CDH7: variants seen among roughly 807,000 people sequenced by gnomAD.
The protein encoded by CDH7 is cadherin 7.
Under a neutral mutation model 71.8 loss-of-function variants are expected in CDH7, and 25 were observed. That is an observed-to-expected ratio of 0.35 (90% confidence interval 0.25 to 0.49). The LOEUF is 0.49. Ranked by LOEUF, CDH7 falls within the 20% of genes least tolerant of loss-of-function variation. The pLI is 0.99. For missense variants in CDH7, 862 were observed against 974.6 expected (o/e 0.88, Z 1.54); for synonymous variants, 381 against 363.8 (o/e 1.05, Z -0.54).
chr18:65,782,316 G>A (rs538768497), intron 2 of CDH7, among the ~76,000 whole-genome samples: 198 of 151,528 alleles, frequency 1.3e-3, no homozygotes, highest in African/African-American at 3.8e-3. Context: ...ACAGGCATGC[G>A]CCACCACACC....
chr18:65,859,873 C>T, intron 10 of CDH7, 48 bp downstream of exon 10: 1 of 1,094,332 alleles, frequency 9.1e-7, no homozygotes, highest in Non-Finnish European at 1.4e-6. Context: ...TACAGATACT[C>T]TAAGCAAGTA....
intron 6 of CDH7, among the ~76,000 whole-genome samples, chr18:65,841,495 A>C (rs1415994905): frequency 6.6e-6 from 1 of 152,186 alleles, no homozygotes; most frequent in Admixed American, 6.6e-5. Context: ...ATATAGACAC[A>C]TCATATTTGA....
At chr18:65,874,270 A>G (rs1468246570) in intron 11 of CDH7, among the ~76,000 whole-genome samples, 3 of 152,188 alleles carry the variant, frequency 2.0e-5, no homozygotes, top group African/African-American at 7.2e-5. Context: ...GGTTTTAAAA[A>G]ACTTTCTTTA....
intron 5 of CDH7, among the ~76,000 whole-genome samples, chr18:65,822,725 A>G (rs1431774653): frequency 6.6e-6 from 1 of 152,048 alleles, no homozygotes; most frequent in Admixed American, 6.6e-5. Flanking sequence ...GCCAGTTTAT[A>G]CACACTGAAC....
chr18:65,862,794 C>G lies in CDH7; in HGVS notation c.1741C>G (p.Arg581Gly). The G allele has an allele frequency of 1.2e-6, 2 of 1,614,120 alleles. No individual in the cohort carries two copies. The highest frequency in any genetic ancestry group is 1.7e-6 in the Non-Finnish European group (2 of 1,179,994). The change falls in exon 11 of 12, where the codon CGC (arginine) becomes GGC (glycine). Residue 581 changes from arginine (R) to glycine (G), a missense_variant. Arg to Gly is a moderately radical substitution (Grantham distance 125, BLOSUM62 -2). Transcript: ENST00000397968. ...TAGCAGCACCAACACCCTCACCATC[C>G]GCGTGTGTGACTGTGATGCTGACGG... ...SLSSTNTLTIRVCDCDADGVA... is the reference protein window; with the variant it reads ...SLSSTNTLTIGVCDCDADGVA...
intron 4 of CDH7, among the ~76,000 whole-genome samples, chr18:65,815,595 C>G (rs545202875): frequency 1.3e-5 from 2 of 152,196 alleles, no homozygotes; most frequent in African/African-American, 4.8e-5. Context: ...TGTGCATGAA[C>G]AGAGAAGTAA....
In CDH7 at chr18:65,887,754, T is replaced by C. The variant is rs1335749279; in HGVS notation, c.*6860T>C. On this transcript the variant is annotated 3_prime_UTR_variant, in exon 12 of 12. Transcript: ENST00000397968. ...ATCCAACCTCTACAATTAAATTATA[T>C]GAGCATACTGAGGGAGAATTGCACA... The C allele has an allele frequency of 6.6e-6, 1 of 152,118 alleles. No individual in the cohort carries two copies. Among genetic ancestry groups the C allele is most frequent in the Non-Finnish European group, 1.5e-5 (1 of 68,016 alleles). The allele number at this position is 152,118 out of a possible 1,614,324, so 9.4% of individuals were successfully genotyped here.
intron 2 of CDH7, among the ~76,000 whole-genome samples, chr18:65,778,099 C>A (rs1910019986): frequency 6.6e-6 from 1 of 151,774 alleles, no homozygotes; most frequent in African/African-American, 2.4e-5. Flanking sequence ...TGGTGAAACC[C>A]CCTCTCTACT....
intron 2 of CDH7, among the ~76,000 whole-genome samples, chr18:65,783,814 C>T (rs1910407091): frequency 6.6e-6 from 1 of 151,942 alleles, no homozygotes; most frequent in Non-Finnish European, 1.5e-5. Flanking sequence ...AAGAATATGA[C>T]ACAGTTTACA....
At chr18:65,766,707 GA>G (rs1916379764) in intron 2 of CDH7, among the ~76,000 whole-genome samples, 1 of 151,650 alleles carries the variant, frequency 6.6e-6, no homozygotes, top group Admixed American at 6.6e-5. Flanking sequence ...TGGGGAGAAG[GA>G]AGGGGGGAGG....
rs1166090128 is a variant in CDH7 at position 65,861,804 on chromosome 18, A to C, written c.1613-862A>C. 3.9e-5 allele frequency among the ~76,000 whole-genome samples: 6 copies of C among 152,286 alleles called. 1 individual carries two copies. In the East Asian group the frequency reaches 1.2e-3, roughly 29 times the overall value. ...TTGACAGTTTGGAAGAGAGAAAAAT[A>C]GATAAAAGCACACTGCATGAAACTC... On this transcript the variant is annotated intron_variant, in intron 10 of 11. Coordinates refer to ENST00000397968, the MANE Select transcript of CDH7 (RefSeq NM_004361.5).
At position 65,889,492 on chromosome 18, in the gene CDH7, A is replaced by G. The variant is rs1018243845; in HGVS notation, c.*8598A>G. The G allele has an allele frequency of 6.6e-6, 1 of 152,324 alleles. No homozygotes were observed. 9.4% of individuals were successfully genotyped at this position (152,324 alleles called of 1,614,324 possible). ...TAAACCAAATATGAATTAGTAGTCA[A>G]AAATGACCAAACACAGACGATAACC... On this transcript the variant is annotated 3_prime_UTR_variant, in exon 12 of 12. Coordinates refer to ENST00000397968, the MANE Select transcript of CDH7 (RefSeq NM_004361.5).
At chr18:65,848,415 T>G (rs1485828365) in intron 7 of CDH7, among the ~76,000 whole-genome samples, 3 of 152,064 alleles carry the variant, frequency 2.0e-5, no homozygotes, top group African/African-American at 7.2e-5. Context: ...TTAAACAATA[T>G]GGGGAAAAAT....
intron 2 of CDH7, chr18:65,803,903 A>G (rs796643561): frequency 1.3e-5 from 2 of 150,342 alleles, no homozygotes; most frequent in Admixed American, 6.6e-5. Flanking sequence ...TGCCATCATT[A>G]CTTCATTTGT....
At position 65,779,998 on chromosome 18, in the gene CDH7, A is replaced by G. The variant is rs1201955863; in HGVS notation, c.210+16946A>G. On this transcript the variant is annotated intron_variant, in intron 2 of 11. Transcript: ENST00000397968. ...CTGACTTTTTAATGATTGCCATTCT[A>G]ACTGGTGTGAGATTATATCTCATAG... Among the ~76,000 whole-genome samples, 2 of 108,810 alleles carry G rather than the reference A, an allele frequency of 1.8e-5. 1 individual carries two copies. Among genetic ancestry groups the G allele is most frequent in the Non-Finnish European group, 3.4e-5 (2 of 58,900 alleles). The allele number at this position is 108,810 out of a possible 152,430, so 71.4% of individuals were successfully genotyped here.
intron 2 of CDH7, among the ~76,000 whole-genome samples, chr18:65,797,475 C>A (rs1286205614): frequency 6.6e-6 from 1 of 152,184 alleles, no homozygotes; most frequent in Non-Finnish European, 1.5e-5. Flanking sequence ...CCCAAGAGGG[C>A]TTAGAAGAGA....
rs1259989734 is a variant in CDH7, at chr18:65,888,346, A to G, written c.*7452A>G. On this transcript the variant is annotated 3_prime_UTR_variant, in exon 12 of 12. Coordinates refer to ENST00000397968, the MANE Select transcript of CDH7 (RefSeq NM_004361.5). ...TTTTGCTGTATTTTTAAAAAATAAGAAAAAATTATCACAGAGTAAGATACA... is the reference window on the plus strand; with the variant it reads ...TTTTGCTGTATTTTTAAAAAATAAGGAAAAATTATCACAGAGTAAGATACA... The G allele has an allele frequency of 6.6e-6, 1 of 152,160 alleles. No individual in the cohort carries two copies. Among genetic ancestry groups the G allele is most frequent in the African/African-American group, 2.4e-5 (1 of 41,448 alleles). The allele number at this position is 152,160 out of a possible 1,614,324, so 9.4% of individuals were successfully genotyped here.
chr18:65,769,963 G>A (rs1321174696), intron 2 of CDH7, among the ~76,000 whole-genome samples: 6 of 152,100 alleles, frequency 3.9e-5, no homozygotes, highest in Admixed American at 1.3e-4. Context: ...TTATCTGAAA[G>A]CTCTAAAATC....
intron 7 of CDH7, among the ~76,000 whole-genome samples, chr18:65,854,705 T>C (rs1913285920): frequency 6.6e-6 from 1 of 152,108 alleles, no homozygotes; most frequent in African/African-American, 2.4e-5. Context: ...ATCTCAGTTA[T>C]TAACTTAGAG....
Sources: gnomAD v4.1 joint callset for allele counts (sites outside exome capture counted in the v4.1 genomes callset) on GRCh38, gnomAD v4.1.1 for gene constraint, MANE v1.5 for transcripts, NCBI Gene and HGNC (gene_info 2026-07-23, HGNC 2026-07-21) for gene names.